CACNG4: variants seen among roughly 807,000 people sequenced by gnomAD.
CACNG4 encodes calcium voltage-gated channel auxiliary subunit gamma 4, also known as voltage-dependent calcium channel gamma-4 subunit.
CACNG4 carries 8 observed loss-of-function variants against 22.9 expected under a neutral mutation model. The ratio of observed to expected loss-of-function variants is 0.35; its 90% CI spans 0.21 to 0.63. CACNG4 has a LOEUF of 0.63. CACNG4 is among the 30% of genes least tolerant of loss of function. CACNG4 has a pLI of 0.72. For missense variants in CACNG4, 357 were observed against 455.4 expected, an observed-to-expected ratio of 0.78 and a Z score of 1.97; for synonymous variants, 188 against 191.9, an observed-to-expected ratio of 0.98 and a Z score of 0.17.
intron 1 of CACNG4, among the ~76,000 whole-genome samples, chr17:67,016,863 T>C (rs897489046): frequency 3.9e-5 from 6 of 151,926 alleles, no homozygotes; most frequent in African/African-American, 1.5e-4. Context: ...GAAGGGAGGA[T>C]TGGCCTGTCC....
intron 1 of CACNG4, among the ~76,000 whole-genome samples, chr17:66,991,264 A>G (rs947590157): frequency 6.6e-6 from 1 of 151,892 alleles, no homozygotes; most frequent in Non-Finnish European, 1.5e-5. Context: ...CCTTCTCCCA[A>G]ATGGTAAGAA....
At chr17:66,974,714 C>T (rs760408234) in intron 1 of CACNG4, among the ~76,000 whole-genome samples, 1 of 152,106 alleles carries the variant, frequency 6.6e-6, no homozygotes, top group Non-Finnish European at 1.5e-5. Context: ...CTGCCAACCC[C>T]GAATGTGCAC....
At chr17:66,991,884 A>G (rs1018871426) in intron 1 of CACNG4, among the ~76,000 whole-genome samples, 1 of 152,166 alleles carries the variant, frequency 6.6e-6, no homozygotes, top group Non-Finnish European at 1.5e-5. Flanking sequence ...TCACCACTTC[A>G]AAGGAGAGTC....
intron 1 of CACNG4, among the ~76,000 whole-genome samples, chr17:67,013,519 A>T (rs2035479498): frequency 6.6e-6 from 1 of 152,114 alleles, no homozygotes; most frequent in African/African-American, 2.4e-5. Flanking sequence ...TATACTTTTA[A>T]TGAGGCCAGG....
Position 67,024,972 on chromosome 17 carries a change from C to T in CACNG4, c.417C>T (p.Leu139=), listed in dbSNP as rs777476422. Residue 139 remains leucine (L), a synonymous_variant, in exon 3 of 4, where the codon CTC becomes CTT. Transcript: ENST00000262138. Reference sequence around the variant, plus strand: ...ACAGCCGCAAGAACAACATCGTCCTCAGTGCCGGCATCCTCTTCGTGGCTG... The same window carrying T: ...ACAGCCGCAAGAACAACATCGTCCTTAGTGCCGGCATCCTCTTCGTGGCTG... ...RIYSRKNNIV[L]SAGILFVAAG... 3.1e-6 allele frequency: 5 copies of T among 1,601,734 alleles called. No individual in the cohort carries two copies. The highest frequency in any genetic ancestry group is 1.7e-4 in the Middle Eastern group (1 of 6,034).
In CACNG4 at chr17:67,028,510, G is replaced by A. The variant is rs1452116583; in HGVS notation, c.446-1956G>A. Among the ~76,000 whole-genome samples the A allele has an allele frequency of 3.3e-5, 5 of 151,572 alleles. No individual in the cohort carries two copies. The South Asian group carries it at 6.3e-4, about 19-fold the overall frequency. On this transcript the variant is annotated intron_variant, in intron 3 of 3. Coordinates refer to ENST00000262138, the MANE Select transcript of CACNG4 (RefSeq NM_014405.4). Reference sequence around the variant, plus strand: ...GGAGCTTGCAGTGAGCCAAGATCGCGCCACTGCACTCCAGCCTGGGGGACA... The same window carrying A: ...GGAGCTTGCAGTGAGCCAAGATCGCACCACTGCACTCCAGCCTGGGGGACA...
intron 1 of CACNG4, among the ~76,000 whole-genome samples, chr17:66,972,088 C>G (rs2035208173): frequency 6.6e-6 from 1 of 152,072 alleles, no homozygotes; most frequent in Admixed American, 6.5e-5. Flanking sequence ...GGTGACCTCC[C>G]AGATTTGGGG....
chr17:66,966,100 C>T (rs550293497), intron 1 of CACNG4, among the ~76,000 whole-genome samples: 2 of 152,292 alleles, frequency 1.3e-5, no homozygotes, highest in South Asian at 2.1e-4. Flanking sequence ...GGATTTCAGC[C>T]CCGGGACCGT....
At chr17:67,023,666 G>A (rs551700277) in intron 2 of CACNG4, among the ~76,000 whole-genome samples, 35 of 151,838 alleles carry the variant, frequency 2.3e-4, no homozygotes, top group African/African-American at 7.7e-4. Flanking sequence ...CCACCTCTGG[G>A]GTTCGAGAGA....
intron 1 of CACNG4, among the ~76,000 whole-genome samples, chr17:66,980,834 G>T (rs1375724597): frequency 2.0e-5 from 3 of 151,904 alleles, no homozygotes; most frequent in East Asian, 3.9e-4. Flanking sequence ...GGCCAGGCTG[G>T]TCTCAAACTC....
intron 1 of CACNG4, among the ~76,000 whole-genome samples, chr17:66,966,380 T>G (rs1415260510): frequency 6.6e-6 from 1 of 152,170 alleles, no homozygotes; most frequent in Admixed American, 6.5e-5. Flanking sequence ...TCGGTAACCT[T>G]TCCCCGCGTG....
rs996096758 is a variant in CACNG4, at chr17:67,008,209, G to C, written c.221-9980G>C. ...TCATGGAGAGCCACTAGCAGGCCAGGAAGCTAGGGCTCCCTGAGAAAGCCT... is the reference window on the plus strand; with the variant it reads ...TCATGGAGAGCCACTAGCAGGCCAGCAAGCTAGGGCTCCCTGAGAAAGCCT... On this transcript the variant is annotated intron_variant, in intron 1 of 3. Transcript: ENST00000262138. Among the ~76,000 whole-genome samples the C allele has an allele frequency of 9.2e-5, 14 of 152,144 alleles. No homozygotes were observed. In the South Asian group the frequency reaches 1.0e-3, roughly 11 times the overall value.
chr17:66,991,471 G>A (rs1197319435), intron 1 of CACNG4, among the ~76,000 whole-genome samples: 1 of 152,204 alleles, frequency 6.6e-6, no homozygotes. Flanking sequence ...GTGGGGCAGG[G>A]GGCTATGCAG....
intron 1 of CACNG4, among the ~76,000 whole-genome samples, chr17:67,003,767 C>T (rs1263296676): frequency 1.3e-5 from 2 of 152,184 alleles, no homozygotes; most frequent in Non-Finnish European, 2.9e-5. Context: ...TGCACTAGAG[C>T]AGGCAATGGA....
In CACNG4 at chr17:67,030,548, G is replaced by T. The variant is rs781720730; in HGVS notation, c.528G>T (p.Lys176Asn). 1.7e-5 allele frequency: 28 copies of T among 1,614,204 alleles called. 1 individual carries two copies. In the South Asian group the frequency reaches 2.9e-4, roughly 16 times the overall value. The change falls in exon 4 of 4, where the codon AAG becomes AAT. Residue 176 changes from lysine to asparagine, a missense_variant. Lys to Asn is a moderately conservative substitution (Grantham distance 94). Around this residue, in one of 3 missense-constraint regions of CACNG4, gnomAD observed 240 missense variants for 277.6 expected, o/e 0.86. Transcript: ENST00000262138. This position sits in a 1 kb window ranked among gnomAD's most constrained non-coding sequence, Gnocchi z 6.4. Reference sequence around the variant, plus strand: ...GTGACAAGCGGGACGAAGACAAAAAGAACCATTACAACTACGGCTGGTCTT... The same window carrying T: ...GTGACAAGCGGGACGAAGACAAAAATAACCATTACAACTACGGCTGGTCTT... ...DPSDKRDEDK[K>N]NHYNYGWSFY... is the part of the protein sequence containing the mutation.
At chr17:66,970,865 C>A (rs1263226903) in intron 1 of CACNG4, among the ~76,000 whole-genome samples, 1 of 152,184 alleles carries the variant, frequency 6.6e-6, no homozygotes, top group Non-Finnish European at 1.5e-5. Context: ...CAGGAAGAGG[C>A]CCTTCAAAAA....
At chr17:67,000,802 G>C (rs1272068315) in intron 1 of CACNG4, among the ~76,000 whole-genome samples, 2 of 152,316 alleles carry the variant, frequency 1.3e-5, no homozygotes, top group African/African-American at 4.8e-5. Context: ...CTCCCTTTCT[G>C]CTCCAAGTCA....
At chr17:67,004,879 A>G (rs1182812492) in intron 1 of CACNG4, among the ~76,000 whole-genome samples, 2 of 152,130 alleles carry the variant, frequency 1.3e-5, no homozygotes, top group Non-Finnish European at 2.9e-5. Flanking sequence ...GTGCACCACC[A>G]TGCCCAGCTA....
chr17:66,978,746 C>T (rs2035253402), intron 1 of CACNG4, among the ~76,000 whole-genome samples: 3 of 152,340 alleles, frequency 2.0e-5, no homozygotes, highest in South Asian at 4.1e-4. Flanking sequence ...AGCCTTCGCC[C>T]GAGACATTTT....
Sources: gnomAD v4.1 joint callset for allele counts (sites outside exome capture counted in the v4.1 genomes callset) on GRCh38, gnomAD v4.1.1 for gene constraint, gnomAD v4.1.1 regional missense constraint, Gnocchi (gnomAD v3.1) non-coding constraint, MANE v1.5 for transcripts, NCBI Gene and HGNC (gene_info 2026-07-23, HGNC 2026-07-21) for gene names.